Variants in KNOP1 observed in about 807,000 individuals in gnomAD.
KNOP1 encodes lysine-rich nucleolar protein 1.
A neutral mutation model predicts 30.6 loss-of-function variants in KNOP1; 20 were observed. The observed-to-expected ratio is 0.65, with a 90% confidence interval of 0.46 to 0.95. KNOP1 has a LOEUF of 0.95. Ranked by LOEUF, KNOP1 falls within the 40% of genes least tolerant of loss-of-function variation. The pLI, the probability that KNOP1 is intolerant of heterozygous loss-of-function variation, is 0.00. For missense variants in KNOP1, 540 were observed against 562.0 expected (o/e 0.96, Z 0.40); for synonymous variants, 204 against 210.0 (o/e 0.97, Z 0.25).
intron 3 of KNOP1, among the ~76,000 whole-genome samples, chr16:19,711,007 A>G (rs1299649972): frequency 6.6e-6 from 1 of 152,124 alleles, no homozygotes; most frequent in Non-Finnish European, 1.5e-5. Flanking sequence ...CAGAAGCGGA[A>G]GCTGATTCAC....
Position 19,704,775 on chromosome 16 carries a change from C to T in KNOP1, c.*2135G>A. On this transcript the variant is annotated 3_prime_UTR_variant, in exon 5 of 5. Coordinates refer to ENST00000219837, the MANE Select transcript of KNOP1 (RefSeq NM_001012991.3). ...CCATTATGTATCTCAAGGTTGAATC[C>T]AGGAAAGAAAGGCAGGACAAGTTCA... 1 of 169,512 alleles carries T rather than the reference C, an allele frequency of 5.9e-6. No individual in the cohort carries two copies. The highest frequency in any genetic ancestry group is 1.3e-5 in the Non-Finnish European group (1 of 79,358). 10.5% of individuals were successfully genotyped at this position (169,512 alleles called of 1,614,324 possible). A position where few individuals can be genotyped will look rare whatever the true frequency, so the allele number is the denominator to read the frequency against.
rs1976241011 is a variant in KNOP1 at position 19,703,426 on chromosome 16, G to A, written c.*3484C>T. The A allele has an allele frequency of 6.6e-6, 1 of 152,120 alleles. No homozygotes were observed. Among genetic ancestry groups the A allele is most frequent in the African/African-American group, 2.4e-5 (1 of 41,426 alleles). 9.4% of individuals were successfully genotyped at this position (152,120 alleles called of 1,614,324 possible). A position where few individuals can be genotyped will look rare whatever the true frequency, so the allele number is the denominator to read the frequency against. On this transcript the variant is annotated 3_prime_UTR_variant, in exon 5 of 5. Transcript: ENST00000219837. ...CCCAGAAACACGGGATCCTCTTCCT[G>A]TTTTAAGGTCAGCTGATTAGCAAAC... is the stretch of plus-strand genomic sequence containing the variant.
At chr16:19,707,752 T>G (rs1597460818) in intron 4 of KNOP1, among the ~76,000 whole-genome samples, 1 of 74,418 alleles carries the variant, frequency 1.3e-5, no homozygotes, top group Admixed American at 1.8e-4. Flanking sequence ...TCCCCCCACC[T>G]CCCTACACGG....
chr16:19,713,223 G>C (rs796316294), intron 2 of KNOP1, among the ~76,000 whole-genome samples: 5 of 152,206 alleles, frequency 3.3e-5, no homozygotes, highest in African/African-American at 1.2e-4. Flanking sequence ...CTCACGAGTA[G>C]CTGGGAATAC....
chr16:19,712,107 C>G (rs867947599), intron 2 of KNOP1: 5 of 152,382 alleles, frequency 3.3e-5, no homozygotes, highest in Non-Finnish European at 5.9e-5. Context: ...TAGAGTCCCC[C>G]CACAGATGTT....
At chr16:19,714,042 C>A (rs762350148) in intron 2 of KNOP1, 76 bp downstream of exon 2, 14 of 1,290,380 alleles carry the variant, frequency 1.1e-5, no homozygotes, top group Non-Finnish European at 1.5e-5. Context: ...CAAACATGCA[C>A]ACACGCCTAC....
At chr16:19,710,824 T>C (rs1474873972) in intron 3 of KNOP1, among the ~76,000 whole-genome samples, 1 of 151,678 alleles carries the variant, frequency 6.6e-6, no homozygotes, top group African/African-American at 2.4e-5. Context: ...AGAATGAATT[T>C]TCCTAGAAAC....
rs1485003654 is a variant in KNOP1 at position 19,703,322 on chromosome 16, TTTC to T, written c.*3585_*3587del. 1 of 152,164 alleles carries T rather than the reference TTTC, an allele frequency of 6.6e-6. No homozygotes were observed. The highest frequency in any genetic ancestry group is 2.4e-5 in the African/African-American group (1 of 41,434). The allele number at this position is 152,164 out of a possible 1,614,324, so 9.4% of individuals were successfully genotyped here. A position where few individuals can be genotyped will look rare whatever the true frequency, so the allele number is the denominator to read the frequency against. On this transcript the variant is annotated 3_prime_UTR_variant, in exon 5 of 5. Coordinates refer to ENST00000219837, the MANE Select transcript of KNOP1 (RefSeq NM_001012991.3). ...AAAACCAGCAGTGTCTAGTCAAGTC[TTTC>T]TTAAGTCTCTTTGATGTGGACTCTT...
intron 3 of KNOP1, among the ~76,000 whole-genome samples, chr16:19,710,968 G>T (rs1323536192): frequency 6.6e-6 from 1 of 151,704 alleles, no homozygotes; most frequent in African/African-American, 2.4e-5. Context: ...TTCCCACAGG[G>T]ATGCATTTGC....
chr16:19,717,980 A>G, intron 1 of KNOP1, 178 bp downstream of exon 1: 1 of 1,290,544 alleles, frequency 7.7e-7, no homozygotes, highest in Non-Finnish European at 9.9e-7. Flanking sequence ...GCCGGCTCTG[A>G]GGCGGGAAAA....
In KNOP1 at chr16:19,704,563, C is replaced by T. The variant is rs1976285883; in HGVS notation, c.*2347G>A. On this transcript the variant is annotated 3_prime_UTR_variant, in exon 5 of 5. Transcript: ENST00000219837. ...CCGAGATCACGCCACCACACTCCAG[C>T]CTGCGCGACCGTGAGACTCCATCTC... 6.6e-6 allele frequency: 1 copy of T among 152,256 alleles called. No homozygotes were observed. Among genetic ancestry groups the T allele is most frequent in the Admixed American group, 6.5e-5 (1 of 15,270 alleles). The allele number at this position is 152,256 out of a possible 1,614,324, so 9.4% of individuals were successfully genotyped here.
Position 19,714,456 on chromosome 16 carries a change from C to G in KNOP1, c.580G>C (p.Ala194Pro). 3.1e-6 allele frequency: 5 copies of G among 1,614,106 alleles called. No individual in the cohort carries two copies. The South Asian group carries it at 5.5e-5, about 18-fold the overall frequency. ...CSVGKKDEEQAALGQKRKRKS... is the reference protein window; with the variant it reads ...CSVGKKDEEQPALGQKRKRKS... ...CGCTTCCGTTTCTGCCCCAAGGCTG[C>G]CTGTTCCTCATCCTTCTTCCCCACT... Residue 194 changes from alanine to proline, a missense_variant, in exon 2 of 5, where the codon GCA becomes CCA. Coordinates refer to ENST00000219837, the MANE Select transcript of KNOP1 (RefSeq NM_001012991.3).
At chr16:19,710,675 GGAAC>G (rs2151647838) in intron 3 of KNOP1, 89 bp from the exon 4 acceptor site, 1 of 1,043,824 alleles carries the variant, frequency 9.6e-7, no homozygotes, top group Admixed American at 1.7e-5. Context: ...CTGGGGGAAC[GGAAC>G]GTGGGAGGAA....
chr16:19,717,129 C>T (rs1475426642), intron 1 of KNOP1, among the ~76,000 whole-genome samples: 1 of 152,194 alleles, frequency 6.6e-6, no homozygotes, highest in Non-Finnish European at 1.5e-5. Flanking sequence ...AGGCATGAGC[C>T]ACCACGCCCG....
intron 3 of KNOP1, 74 bp from the exon 4 acceptor site, chr16:19,710,660 C>G: frequency 7.8e-7 from 1 of 1,282,108 alleles, no homozygotes; most frequent in South Asian, 1.2e-5. Flanking sequence ...AGGACAGAGA[C>G]GGGGCTGGGG....
In KNOP1 at chr16:19,718,190, A is replaced by C; in HGVS notation, c.-35T>G. The C allele has an allele frequency of 6.7e-7, 1 of 1,501,164 alleles. No homozygotes were observed. Among genetic ancestry groups the C allele is most frequent in the Admixed American group, 2.1e-5 (1 of 47,526 alleles). The allele number at this position is 1,501,164 out of a possible 1,614,324, so 93.0% of individuals were successfully genotyped here. On this transcript the variant is annotated 5_prime_UTR_variant, in exon 1 of 5. Coordinates refer to ENST00000219837, the MANE Select transcript of KNOP1 (RefSeq NM_001012991.3). Reference sequence around the variant, plus strand: ...CGAAATTTCCCCGCCTCCACGTGAGAGCCAGCTCCGCCGTGACCCGGAAGT... The same window carrying C: ...CGAAATTTCCCCGCCTCCACGTGAGCGCCAGCTCCGCCGTGACCCGGAAGT...
Position 19,714,333 on chromosome 16 carries a change from T to C in KNOP1, c.703A>G (p.Met235Val), listed in dbSNP as rs775961018. ...CTTCCTTTCCTAGGGCTGCTCTCCATGGACCTGGAGGGCTTGGAGTGGCCT... is the reference window on the plus strand; with the variant it reads ...CTTCCTTTCCTAGGGCTGCTCTCCACGGACCTGGAGGGCTTGGAGTGGCCT... ...LPGHSKPSRS[M>V]ESSPRKGSKK... The change falls in exon 2 of 5, where the codon ATG becomes GTG. Residue 235 changes from methionine (M) to valine (V), a missense_variant. Transcript: ENST00000219837. 5.5e-5 allele frequency: 88 copies of C among 1,613,922 alleles called. No individual in the cohort carries two copies. The highest frequency in any genetic ancestry group is 6.9e-5 in the Non-Finnish European group (82 of 1,179,970).
In KNOP1 at chr16:19,702,648, T is replaced by A. The variant is rs1976208278; in HGVS notation, c.*4262A>T. 1 of 152,198 alleles carries A rather than the reference T, an allele frequency of 6.6e-6. No individual in the cohort carries two copies. Among genetic ancestry groups the A allele is most frequent in the Admixed American group, 6.6e-5 (1 of 15,260 alleles). 9.4% of individuals were successfully genotyped at this position (152,198 alleles called of 1,614,324 possible). A position where few individuals can be genotyped will look rare whatever the true frequency, so the allele number is the denominator to read the frequency against. On this transcript the variant is annotated 3_prime_UTR_variant, in exon 5 of 5. Coordinates refer to ENST00000219837, the MANE Select transcript of KNOP1 (RefSeq NM_001012991.3). Reference sequence around the variant, plus strand: ...ACACTGGTCTATGTGAGATGAAGTCTATCATTAGCAAGGATGGAGCAATAA... The same window carrying A: ...ACACTGGTCTATGTGAGATGAAGTCAATCATTAGCAAGGATGGAGCAATAA...
In KNOP1 at chr16:19,714,529, AGGGTCCTGGACCGAGAAGGCTGTG is replaced by A; in HGVS notation, c.483_506del (p.Thr162_Pro169del). 6.2e-7 allele frequency: 1 copy of A among 1,614,038 alleles called. No individual in the cohort carries two copies. The highest frequency in any genetic ancestry group is 8.5e-7 in the Non-Finnish European group (1 of 1,180,000). ...TGGCCTCCCTGGCCTCACAGAACCA[AGGGTCCTGGACCGAGAAGGCTGTG>A]GGGTCCTGGGCCCCCTTTTTTTCCT... On this transcript the variant is annotated inframe_deletion, in exon 2 of 5. Coordinates refer to ENST00000219837, the MANE Select transcript of KNOP1 (RefSeq NM_001012991.3).
Sources: gnomAD v4.1 joint callset for allele counts (sites outside exome capture counted in the v4.1 genomes callset) on GRCh38, gnomAD v4.1.1 for gene constraint, MANE v1.5 for transcripts, NCBI Gene and HGNC (gene_info 2026-07-23, HGNC 2026-07-21) for gene names.